The following ACOT1 variants were observed in gnomAD, a reference collection of about 807,000 sequenced individuals.
ACOT1 encodes acyl-CoA thioesterase 1, also known as acyl-coenzyme A thioesterase 1.
In ACOT1, 8 loss-of-function variants were observed where a neutral mutation model predicts 15.7. The ratio of observed to expected loss-of-function variants is 0.51; its 90% CI spans 0.30 to 0.92. The LOEUF is 0.92. ACOT1 is among the 40% of genes least tolerant of loss of function. ACOT1 has a pLI of 0.06. For missense variants in ACOT1, 151 were observed against 539.4 expected (o/e 0.28, Z 7.13); for synonymous variants, 67 against 241.2 (o/e 0.28, Z 6.69).
At chr14:73,508,610 G>A in the ACOT1 span, among the ~76,000 whole-genome samples, 1 of 151,922 alleles carries the variant, frequency 6.6e-6, no homozygotes, top group African/African-American at 2.4e-5. Flanking sequence ...TCAGCCAGGC[G>A]TGGTGGCATG....
the ACOT1 span, chr14:73,492,426 A>G: frequency 6.2e-7 from 1 of 1,613,636 alleles, no homozygotes; most frequent in Non-Finnish European, 8.5e-7. The surrounding 1 kb of genome is among the most constrained non-coding windows in gnomAD (Gnocchi z 4.9). Flanking sequence ...TCAGATTCTA[A>G]GGATCCGCGA....
At chr14:73,509,483 A>G in the ACOT1 span, 4 of 1,613,480 alleles carry the variant, frequency 2.5e-6, no homozygotes, top group Non-Finnish European at 2.5e-6. Flanking sequence ...TCTGTGATCA[A>G]AAGAGCCAGG....
At chr14:73,532,958 A>AAAAT (rs936303402), upstream of ACOT1, among the ~76,000 whole-genome samples, 4 of 111,556 alleles carry the variant, frequency 3.6e-5, 1 homozygote, top group African/African-American at 1.2e-4. Context: ...CCATCTCAAA[A>AAAAT]AAATAAATAA....
the ACOT1 span, among the ~76,000 whole-genome samples, chr14:73,509,856 ATATATATATATATTTATT>A: frequency 6.8e-3 from 414 of 61,302 alleles, 22 homozygotes; most frequent in Non-Finnish European, 0.011. Context: ...ATATATATAT[ATATATATATATATTTATT>A]TATTTTATAT....
chr14:73,522,525 G>C, the ACOT1 span: 1 of 1,614,218 alleles, frequency 6.2e-7, no homozygotes, highest in African/African-American at 1.3e-5. Flanking sequence ...CGCTCGTTCA[G>C]CTTTTCCAGC....
chr14:73,497,581 A>G, the ACOT1 span, among the ~76,000 whole-genome samples: 5 of 152,214 alleles, frequency 3.3e-5, no homozygotes, highest in African/African-American at 9.6e-5. Context: ...TGTTGTCCCA[A>G]TAGGCATTTG....
At chr14:73,512,290 A>G in the ACOT1 span, 1 of 921,936 alleles carries the variant, frequency 1.1e-6, no homozygotes, top group Non-Finnish European at 1.6e-6. Flanking sequence ...GGGCCCAGAG[A>G]TGGGGTCTTT....
the ACOT1 span, among the ~76,000 whole-genome samples, chr14:73,512,376 A>G: frequency 6.6e-6 from 1 of 152,194 alleles, no homozygotes; most frequent in Non-Finnish European, 1.5e-5. Context: ...ACCCCATCGT[A>G]TCTATCTCTC....
chr14:73,506,553 G>C, the ACOT1 span: 3 of 1,613,314 alleles, frequency 1.9e-6, no homozygotes, highest in East Asian at 6.7e-5. Flanking sequence ...TCCACAGCAA[G>C]CATGGTGTGT....
chr14:73,522,787 C>G, the ACOT1 span: 1 of 1,614,052 alleles, frequency 6.2e-7, no homozygotes, highest in South Asian at 1.1e-5. Context: ...TTGAGGAACC[C>G]AGGAACTTGA....
the ACOT1 span, among the ~76,000 whole-genome samples, chr14:73,524,308 A>ATATAT: frequency 7.1e-3 from 589 of 83,104 alleles, 1 homozygote; most frequent in Middle Eastern, 0.014. Flanking sequence ...AAAAAAAAAA[A>ATATAT]AAATATATAT....
chr14:73,492,696 G>C, the ACOT1 span: 1 of 1,614,012 alleles, frequency 6.2e-7, no homozygotes, highest in Non-Finnish European at 8.5e-7. The surrounding 1 kb of genome is among the most constrained non-coding windows in gnomAD (Gnocchi z 4.9). Flanking sequence ...CGGCTGGTGG[G>C]TGAGGGGGGC....
chr14:73,515,659 G>A, the ACOT1 span, among the ~76,000 whole-genome samples: 10 of 114,876 alleles, frequency 8.7e-5, no homozygotes, highest in East Asian at 5.8e-4. Context: ...GTGACAAAGC[G>A]AGACTCCATC....
chr14:73,492,335 G>C, the ACOT1 span: 1 of 1,614,004 alleles, frequency 6.2e-7, no homozygotes, highest in Non-Finnish European at 8.5e-7. This position sits in a 1 kb window ranked among gnomAD's most constrained non-coding sequence, Gnocchi z 4.9. Context: ...GCCTCTGGCA[G>C]TGCAGGCTGC....
the ACOT1 span, chr14:73,493,081 A>G: frequency 1.2e-6 from 2 of 1,606,646 alleles, no homozygotes; most frequent in South Asian, 2.2e-5. Context: ...TCACTGCTTC[A>G]GTGTCACAAA....
At chr14:73,522,886 G>C in the ACOT1 span, 11 of 1,614,192 alleles carry the variant, frequency 6.8e-6, no homozygotes, top group Non-Finnish European at 9.3e-6. Flanking sequence ...AGCTGTACTG[G>C]CTATAAGGAA....
intron 1 of ACOT1, 123 bp from the exon 2 acceptor site, chr14:73,541,370 T>A: frequency 1.2e-6 from 1 of 823,690 alleles, no homozygotes. Context: ...TTCTCGTGGG[T>A]AGATACCTAG....
the ACOT1 span, among the ~76,000 whole-genome samples, chr14:73,505,501 A>G: frequency 6.6e-6 from 1 of 151,918 alleles, no homozygotes; most frequent in Non-Finnish European, 1.5e-5. Flanking sequence ...GGTTCAAGCA[A>G]TTCTTGTGCC....
Position 73,537,909 on chromosome 14 carries a change from G to A in ACOT1, c.457+31G>A. Reference sequence around the variant, plus strand: ...TCACCTCCGCTAATTGTTCCCCTCTGCCCATCCCTGTTCCTGCGCTTTCCA... The same window carrying A: ...TCACCTCCGCTAATTGTTCCCCTCTACCCATCCCTGTTCCTGCGCTTTCCA... On this transcript the variant is annotated intron_variant, in intron 1 of 2. Transcript: ENST00000311148. The A allele has an allele frequency of 1.7e-6, 2 of 1,161,450 alleles. 1 individual carries two copies. The highest frequency in any genetic ancestry group is 2.2e-6 in the Non-Finnish European group (2 of 901,918). The allele number at this position is 1,161,450 out of a possible 1,614,324, so 71.9% of individuals were successfully genotyped here.
Sources: gnomAD v4.1 joint callset for allele counts (sites outside exome capture counted in the v4.1 genomes callset) on GRCh38, gnomAD v4.1.1 for gene constraint, Gnocchi (gnomAD v3.1) non-coding constraint, MANE v1.5 for transcripts, NCBI Gene and HGNC (gene_info 2026-07-23, HGNC 2026-07-21) for gene names.